The following ADARB2 variants were observed in gnomAD, a reference collection of about 807,000 sequenced individuals.
ADARB2 encodes adenosine deaminase RNA specific B2 (inactive), also known as inactive double-stranded RNA-specific editase B2.
A neutral mutation model predicts 62.2 loss-of-function variants in ADARB2; 25 were observed. The observed-to-expected ratio is 0.40, with a 90% confidence interval of 0.29 to 0.56. ADARB2 has a LOEUF of 0.56. Ranked by LOEUF, ADARB2 falls within the 20% of genes least tolerant of loss-of-function variation. The probability of loss-of-function intolerance (pLI) is 0.43; values close to 1 mark genes in which losing one functional copy is unlikely to be tolerated. For synonymous variants in ADARB2, 572 were observed against 500.8 expected, an observed-to-expected ratio of 1.14 and a Z score of -1.90; for missense variants, 1,071 against 1,077.4, an observed-to-expected ratio of 0.99 and a Z score of 0.08.
At chr10:1,721,603 C>T (rs747884222) in intron 1 of ADARB2, among the ~76,000 whole-genome samples, 9 of 152,174 alleles carry the variant, frequency 5.9e-5, no homozygotes, top group Non-Finnish European at 1.0e-4. Flanking sequence ...GTATTTTACA[C>T]ATAAAGAATT....
intron 1 of ADARB2, among the ~76,000 whole-genome samples, chr10:1,554,379 T>C (rs1008938746): frequency 9.2e-5 from 14 of 152,330 alleles, no homozygotes; most frequent in South Asian, 2.1e-4. Context: ...GTTCTCACGG[T>C]TGGGCTGTCA....
At chr10:1,479,739 T>C (rs1334192859) in intron 1 of ADARB2, among the ~76,000 whole-genome samples, 1 of 152,216 alleles carries the variant, frequency 6.6e-6, no homozygotes, top group Admixed American at 6.5e-5. Context: ...GGGATTCATT[T>C]TACTATTGAT....
At chr10:1,273,393 T>C (rs1224203195) in intron 3 of ADARB2, among the ~76,000 whole-genome samples, 1 of 152,180 alleles carries the variant, frequency 6.6e-6, no homozygotes, top group Admixed American at 6.5e-5. Context: ...CCCAAAGCGC[T>C]AGGATTACAG....
At chr10:1,208,971 G>A (rs576606252) in intron 7 of ADARB2, among the ~76,000 whole-genome samples, 1 of 152,188 alleles carries the variant, frequency 6.6e-6, no homozygotes, top group Non-Finnish European at 1.5e-5. Context: ...TGGGGGTTCT[G>A]CCCAGTAAAC....
At chr10:1,607,204 G>A (rs1488392563) in intron 1 of ADARB2, among the ~76,000 whole-genome samples, 1 of 152,162 alleles carries the variant, frequency 6.6e-6, no homozygotes, top group African/African-American at 2.4e-5. Context: ...AACTCTGGTG[G>A]GCAGAAGTTG....
chr10:1,521,868 A>G (rs915440526), intron 1 of ADARB2, among the ~76,000 whole-genome samples: 3 of 149,030 alleles, frequency 2.0e-5, no homozygotes, highest in African/African-American at 4.9e-5. Flanking sequence ...ATTTGATTGA[A>G]GTCTCATAGC....
intron 1 of ADARB2, among the ~76,000 whole-genome samples, chr10:1,630,607 G>A (rs952926854): frequency 6.6e-6 from 1 of 152,184 alleles, no homozygotes; most frequent in African/African-American, 2.4e-5. Context: ...TTCAGGCAGA[G>A]AAATGGCGAC....
chr10:1,257,097 G>A lies in ADARB2; in HGVS notation c.1192+13858C>T, dbSNP rs569570257. ...AGATCATATTTGAATCAGCTCAGAG[G>A]CGAGCTGTGTTCAGGCCCTGTGAGC... On this transcript the variant is annotated intron_variant, in intron 4 of 9. Coordinates refer to ENST00000381312, the MANE Select transcript of ADARB2 (RefSeq NM_018702.4). 3.5e-4 allele frequency among the ~76,000 whole-genome samples: 54 copies of A among 152,324 alleles called. 1 individual carries two copies. The highest frequency in any genetic ancestry group is 8.3e-4 in the South Asian group (4 of 4,822).
chr10:1,495,642 G>A (rs1831678636), intron 1 of ADARB2, among the ~76,000 whole-genome samples: 1 of 66,180 alleles, frequency 1.5e-5, no homozygotes, highest in Non-Finnish European at 4.1e-5. Context: ...GTTAGAATAT[G>A]ATGAAAAGTA....
chr10:1,490,058 A>G (rs1406648877), intron 1 of ADARB2, among the ~76,000 whole-genome samples: 2 of 152,228 alleles, frequency 1.3e-5, no homozygotes. Flanking sequence ...GCTGTCAGGT[A>G]AGTGAGCCTG....
chr10:1,500,847 A>G lies in ADARB2; in HGVS notation c.101-121687T>C, dbSNP rs2676704. 8.3e-3 allele frequency among the ~76,000 whole-genome samples: 1,269 copies of G among 152,302 alleles called. 23 individuals carry two copies. The highest frequency in any genetic ancestry group is 0.029 in the African/African-American group (1,220 of 41,560). On this transcript the variant is annotated intron_variant, in intron 1 of 9. Coordinates refer to ENST00000381312, the MANE Select transcript of ADARB2 (RefSeq NM_018702.4). ...TGTGCTGTCCCTGAAACCTAGAGTC[A>G]TATTCTCTAGTGCACCTTTTAAAAT...
chr10:1,445,094 C>A (rs1276174149), intron 1 of ADARB2, among the ~76,000 whole-genome samples: 2 of 151,846 alleles, frequency 1.3e-5, no homozygotes, highest in African/African-American at 4.8e-5. Context: ...TCCACCCACC[C>A]ACCCATCTAT....
intron 1 of ADARB2, among the ~76,000 whole-genome samples, chr10:1,595,986 T>C (rs1216627039): frequency 6.6e-6 from 1 of 152,244 alleles, no homozygotes; most frequent in Non-Finnish European, 1.5e-5. Context: ...CTGCTCTGCC[T>C]ACGGCTTTGT....
At chr10:1,443,927 T>G (rs562926056) in intron 1 of ADARB2, among the ~76,000 whole-genome samples, 12 of 152,004 alleles carry the variant, frequency 7.9e-5, no homozygotes, top group Non-Finnish European at 1.6e-4. Context: ...TTAACACAAA[T>G]GCTATTCACC....
chr10:1,633,604 CTATCT>C (rs1564353205), intron 1 of ADARB2, among the ~76,000 whole-genome samples: 19 of 149,212 alleles, frequency 1.3e-4, no homozygotes, highest in African/African-American at 3.7e-4. Flanking sequence ...ATCTATCTAT[CTATCT>C]ATCCCTCTAT....
At chr10:1,548,562 G>C (rs1409111848) in intron 1 of ADARB2, among the ~76,000 whole-genome samples, 1 of 152,238 alleles carries the variant, frequency 6.6e-6, no homozygotes, top group Non-Finnish European at 1.5e-5. Context: ...AGATACCCCA[G>C]AGGCAGTGGA....
intron 3 of ADARB2, among the ~76,000 whole-genome samples, chr10:1,286,106 T>C (rs2131807761): frequency 6.6e-6 from 1 of 151,380 alleles, no homozygotes; most frequent in East Asian, 2.0e-4. Flanking sequence ...GGTGCCTCAC[T>C]GGAGAGAGCC....
At chr10:1,456,621 T>G (rs561863426) in intron 1 of ADARB2, among the ~76,000 whole-genome samples, 2 of 152,158 alleles carry the variant, frequency 1.3e-5, no homozygotes, top group African/African-American at 4.8e-5. Flanking sequence ...GACTTGAAGG[T>G]TGATGGAATT....
chr10:1,493,729 C>CTTTTTTTTTTTTTTTTTTTTTTT (rs555812632), intron 1 of ADARB2, among the ~76,000 whole-genome samples: 1 of 56,846 alleles, frequency 1.8e-5, no homozygotes, highest in Non-Finnish European at 3.1e-5. Context: ...ATATGGCATT[C>CTTTTTTTTTTTTTTTTTTTTTTT]TTTTTTTTTT....
Sources: allele counts gnomAD v4.1 joint callset (sites outside exome capture counted in the v4.1 genomes callset), GRCh38; gene constraint gnomAD v4.1.1; transcripts MANE v1.5; gene names NCBI Gene and HGNC (gene_info 2026-07-23, HGNC 2026-07-21).